The following AMOTL1 variants were observed in gnomAD, a reference collection of about 807,000 sequenced individuals.
The protein encoded by AMOTL1 is angiomotin-like protein 1.
AMOTL1 carries 45 observed loss-of-function variants against 102.9 expected under a neutral mutation model. The ratio of observed to expected loss-of-function variants is 0.44; its 90% CI spans 0.34 to 0.56. AMOTL1 has a LOEUF of 0.56. AMOTL1 is among the 20% of genes least tolerant of loss of function. The pLI is 0.01. For synonymous variants in AMOTL1, 481 were observed against 484.7 expected, an observed-to-expected ratio of 0.99 and a Z score of 0.10; for missense variants, 1,114 against 1,225.6, an observed-to-expected ratio of 0.91 and a Z score of 1.36.
intron 1 of AMOTL1, among the ~76,000 whole-genome samples, chr11:94,785,204 A>G (rs935477950): frequency 6.6e-6 from 1 of 152,176 alleles, no homozygotes; most frequent in African/African-American, 2.4e-5. Context: ...AGTTAAGAAT[A>G]TTTCATTACA....
At position 94,799,082 on chromosome 11, in the gene AMOTL1, A is replaced by G. The variant is rs1951418539; in HGVS notation, c.200-308A>G. 6.6e-6 allele frequency among the ~76,000 whole-genome samples: 1 copy of G among 151,760 alleles called. No individual in the cohort carries two copies. Among genetic ancestry groups the G allele is most frequent in the African/African-American group, 2.4e-5 (1 of 41,264 alleles). ...TCTCTTGTATTTTTTTTTAAATGGG[A>G]AAGACTTGGGTATATTTATGTGATG... is the stretch of plus-strand genomic sequence containing the variant. On this transcript the variant is annotated intron_variant, in intron 2 of 12. Transcript: ENST00000433060. The surrounding 1 kb of genome is among the most constrained non-coding windows in gnomAD (Gnocchi z 4.5).
At chr11:94,863,895 C>G (rs527440523) in intron 9 of AMOTL1, among the ~76,000 whole-genome samples, 1 of 152,258 alleles carries the variant, frequency 6.6e-6, no homozygotes. Flanking sequence ...TCTGCCCTTG[C>G]CCTCACTGCA....
chr11:94,768,226 G>A, upstream of AMOTL1: 1 of 1,142,248 alleles, frequency 8.8e-7, no homozygotes, highest in Non-Finnish European at 1.1e-6. Context: ...GGCGGCGGGT[G>A]TCTGCAGACG....
At chr11:94,858,543 G>A (rs1952711970) in intron 8 of AMOTL1, among the ~76,000 whole-genome samples, 1 of 152,132 alleles carries the variant, frequency 6.6e-6, no homozygotes, top group African/African-American at 2.4e-5. Flanking sequence ...AAGCATTCAT[G>A]TGCCTCTCAC....
At chr11:94,836,548 A>G (rs979570993) in intron 6 of AMOTL1, among the ~76,000 whole-genome samples, 1 of 152,242 alleles carries the variant, frequency 6.6e-6, no homozygotes, top group Non-Finnish European at 1.5e-5. Context: ...GTAAGAGTGG[A>G]AAATCCTGGT....
intron 1 of AMOTL1, among the ~76,000 whole-genome samples, 194 bp downstream of exon 1, chr11:94,768,754 C>G (rs570889213): frequency 2.6e-5 from 4 of 152,010 alleles, no homozygotes; most frequent in Non-Finnish European, 4.4e-5. Flanking sequence ...GCCTGCGGGC[C>G]GGGCCTCAGC....
At position 94,736,822 on chromosome 11, in the gene AMOTL1, C is replaced by T. The variant is rs149294436; in HGVS notation, c.86-4116C>T. Reference sequence around the variant, plus strand: ...TGTGGGTAGGCACTTTGGACATTGCCCTGAGATTCAATAAGGTCTGTCATG... The same window carrying T: ...TGTGGGTAGGCACTTTGGACATTGCTCTGAGATTCAATAAGGTCTGTCATG... On this transcript the variant is annotated intron_variant, in intron 2 of 4. Transcript: ENST00000299004. 9.5e-3 allele frequency among the ~76,000 whole-genome samples: 1,445 copies of T among 152,248 alleles called. 29 individuals are homozygous for T. The highest frequency in any genetic ancestry group is 0.031 in the African/African-American group (1,308 of 41,536).
rs142830101 is a variant in AMOTL1, at chr11:94,710,008, G to A, written c.-51+3411G>A. Among the ~76,000 whole-genome samples the A allele has an allele frequency of 9.9e-3, 1,504 of 152,180 alleles. 14 individuals are homozygous for A. Among genetic ancestry groups the A allele is most frequent in the Middle Eastern group, 0.014 (4 of 294 alleles). On this transcript the variant is annotated intron_variant, in intron 1 of 4. Transcript: ENST00000299004. ...GACTCATTTACTAACTCGTTTTACC[G>A]TTATAATAAAATCAGGGAAAAAACA...
intron 1 of AMOTL1, among the ~76,000 whole-genome samples, chr11:94,713,682 A>G (rs183824139): frequency 1.3e-5 from 2 of 152,066 alleles, no homozygotes; most frequent in African/African-American, 2.4e-5. Flanking sequence ...CCACATATAC[A>G]TTGTTAATAT....
At chr11:94,758,979 A>AAC (rs1369825395) in intron 3 of AMOTL1, among the ~76,000 whole-genome samples, 2 of 152,252 alleles carry the variant, frequency 1.3e-5, no homozygotes, top group African/African-American at 4.8e-5. Flanking sequence ...CTTTAAAAAA[A>AAC]ACACTCTGCC....
At position 94,799,693 on chromosome 11, in the gene AMOTL1, A is replaced by G; in HGVS notation, c.503A>G (p.Asp168Gly). The change falls in exon 3 of 13, where the codon GAC becomes GGC. Residue 168 changes from aspartate to glycine, a missense_variant. Transcript: ENST00000433060. This position sits in a 1 kb window ranked among gnomAD's most constrained non-coding sequence, Gnocchi z 4.5. Reference sequence around the variant, plus strand: ...CCGCAGGGTCAAGAACACCAGGTGGACAATACGGTGATGGAGAAACAGGTC... The same window carrying G: ...CCGCAGGGTCAAGAACACCAGGTGGGCAATACGGTGATGGAGAAACAGGTC... ...QEPQGQEHQVDNTVMEKQVRS... is the reference protein window; with the variant it reads ...QEPQGQEHQVGNTVMEKQVRS... The G allele has an allele frequency of 6.2e-7, 1 of 1,614,004 alleles. No individual in the cohort carries two copies. Among genetic ancestry groups the G allele is most frequent in the Non-Finnish European group, 8.5e-7 (1 of 1,179,886 alleles).
chr11:94,785,711 A>G (rs1951176641), intron 1 of AMOTL1, among the ~76,000 whole-genome samples: 1 of 152,206 alleles, frequency 6.6e-6, no homozygotes, highest in Admixed American at 6.5e-5. Context: ...ACACACTAAT[A>G]GGGTCCGGAA....
At chr11:94,765,046 T>C (rs1247298968), upstream of AMOTL1, among the ~76,000 whole-genome samples, 7 of 152,224 alleles carry the variant, frequency 4.6e-5, no homozygotes, top group Non-Finnish European at 1.0e-4. Context: ...GCCTCTATGC[T>C]TGTTGGGAAC....
chr11:94,806,236 T>C (rs1278917799), intron 3 of AMOTL1, among the ~76,000 whole-genome samples: 2 of 152,208 alleles, frequency 1.3e-5, no homozygotes, highest in African/African-American at 4.8e-5. Context: ...AGTCTAAACA[T>C]GAACAAGCAT....
At position 94,779,877 on chromosome 11, in the gene AMOTL1, G is replaced by A. The variant is rs867032215; in HGVS notation, c.49+11317G>A. Among the ~76,000 whole-genome samples, 37 of 151,490 alleles carry A rather than the reference G, an allele frequency of 2.4e-4. No individual in the cohort carries two copies. The Middle Eastern group carries it at 0.01, about 42-fold the overall frequency. On this transcript the variant is annotated intron_variant, in intron 1 of 12. Coordinates refer to ENST00000433060, the MANE Select transcript of AMOTL1 (RefSeq NM_130847.3). ...GGCCTTTTTAAAAAAAAAAATTATC[G>A]TTTGATTGGCTAGGCCATTAAAAGA...
In AMOTL1 at chr11:94,800,225, G is replaced by A. The variant is rs762427919; in HGVS notation, c.1035G>A (p.Met345Ile). The A allele has an allele frequency of 4.3e-6, 7 of 1,613,990 alleles. No individual in the cohort carries two copies. The highest frequency in any genetic ancestry group is 5.9e-6 in the Non-Finnish European group (7 of 1,179,888). Residue 345 changes from methionine (M) to isoleucine (I), a missense_variant, in exon 3 of 13, where the codon ATG (methionine) becomes ATA (isoleucine). Physicochemically the swap from Met to Ile is conservative, Grantham distance 10. Coordinates refer to ENST00000433060, the MANE Select transcript of AMOTL1 (RefSeq NM_130847.3). ...GDQHPGMLHE[M>I]VKPYPAPQPV... is the part of the protein sequence containing the mutation. The stretch of plus-strand genomic sequence containing the variant: ...AGCACCCCGGGATGCTCCACGAGAT[G>A]GTCAAGCCCTACCCTGCTCCTCAGC...
chr11:94,799,375 A>T lies in AMOTL1; in HGVS notation c.200-15A>T, dbSNP rs763861837. On this transcript the variant is annotated splice_polypyrimidine_tract_variant and intron_variant, in intron 2 of 12. Transcript: ENST00000433060. This position sits in a 1 kb window ranked among gnomAD's most constrained non-coding sequence, Gnocchi z 4.5. ...GGAGCTGCCTGATATCTTTTTTCCT[A>T]TGTTTATCTTTTAGTTGAAGATCCT... 42 of 1,536,436 alleles carry T rather than the reference A, an allele frequency of 2.7e-5. No homozygotes were observed. Among genetic ancestry groups the T allele is most frequent in the Admixed American group, 1.2e-4 (6 of 48,414 alleles).
At chr11:94,821,865 CCTGGT>C (rs763026376) in intron 4 of AMOTL1, 44 bp downstream of exon 4, 1 of 1,595,528 alleles carries the variant, frequency 6.3e-7, no homozygotes, top group East Asian at 2.2e-5. Context: ...AAATTCTTTA[CCTGGT>C]CATGGGGAGT....
chr11:94,720,061 G>A (rs1415374697), intron 1 of AMOTL1, among the ~76,000 whole-genome samples: 2 of 152,092 alleles, frequency 1.3e-5, no homozygotes, highest in Non-Finnish European at 2.9e-5. Flanking sequence ...TCCCCAGAAG[G>A]CCACTGTGCT....
Sources: allele counts gnomAD v4.1 joint callset (sites outside exome capture counted in the v4.1 genomes callset), GRCh38; gene constraint gnomAD v4.1.1; non-coding constraint Gnocchi (gnomAD v3.1); transcripts MANE v1.5; gene names NCBI Gene and HGNC (gene_info 2026-07-23, HGNC 2026-07-21).